ABHD12: variants seen among roughly 807,000 people sequenced by gnomAD.
The protein encoded by ABHD12 is lysophosphatidylserine lipase ABHD12.
In ABHD12, 43 loss-of-function variants were observed where a neutral mutation model predicts 58.3. That is an observed-to-expected ratio of 0.74 (90% CI 0.58 to 0.95). ABHD12 has a LOEUF of 0.95. ABHD12 is among the 40% of genes least tolerant of loss of function. The pLI is 0.00. For synonymous variants in ABHD12, 219 were observed against 211.2 expected (o/e 1.04, Z -0.32); for missense variants, 539 against 537.2 (o/e 1.00, Z -0.03).
chr20:25,376,194 A>G (rs1162209447), intron 1 of ABHD12, among the ~76,000 whole-genome samples: 1 of 152,170 alleles, frequency 6.6e-6, no homozygotes, highest in Admixed American at 6.5e-5. Context: ...AACCATCAAA[A>G]TTGTTGAGGA....
rs889137043 is a variant in ABHD12 at position 25,300,526 on chromosome 20, G to A, written c.*319C>T. The A allele has an allele frequency of 1.4e-5, 18 of 1,326,540 alleles. No homozygotes were observed. The African/African-American group carries it at 1.5e-4, about 11-fold the overall frequency. 82.2% of individuals were successfully genotyped at this position (1,326,540 alleles called of 1,614,324 possible). ...AGAGTCCCCTGCCCGGACTCCCCCT[G>A]TCCAGCTCAGTGCAGCATCAAGCAG... On this transcript the variant is annotated 3_prime_UTR_variant, in exon 13 of 13. Coordinates refer to ENST00000339157, the MANE Select transcript of ABHD12 (RefSeq NM_001042472.3).
chr20:25,343,398 A>T (rs1463680149), intron 1 of ABHD12, among the ~76,000 whole-genome samples: 1 of 152,230 alleles, frequency 6.6e-6, no homozygotes, highest in Non-Finnish European at 1.5e-5. Flanking sequence ...TACAAAAAAG[A>T]AGACTAAGCT....
At position 25,390,625 on chromosome 20, in the gene ABHD12, C is replaced by T; in HGVS notation, c.79G>A (p.Ala27Thr). 2 of 1,458,702 alleles carry T rather than the reference C, an allele frequency of 1.4e-6. No individual in the cohort carries two copies. The highest frequency in any genetic ancestry group is 2.5e-5 in the Admixed American group (1 of 40,618). 90.4% of individuals were successfully genotyped at this position (1,458,702 alleles called of 1,614,324 possible). Residue 27 changes from alanine (A) to threonine (T), a missense_variant, in exon 1 of 13, where the codon GCC becomes ACC. By Grantham distance (58) the Ala-to-Thr change is moderately conservative. Coordinates refer to ENST00000339157, the MANE Select transcript of ABHD12 (RefSeq NM_001042472.3). ...AAGSSSSGSA[A>T]AALDADCRLK... ...CGGCAGTCGGCGTCCAGCGCCGCGG[C>T]GGCCGAGCCGGAGGAGGACGAGCCC... is the stretch of plus-strand genomic sequence containing the variant.
chr20:25,314,401 G>C (rs572130522), intron 6 of ABHD12, among the ~76,000 whole-genome samples: 35 of 152,232 alleles, frequency 2.3e-4, no homozygotes, highest in African/African-American at 7.9e-4. Flanking sequence ...CTGCAGGTTG[G>C]GTGCAGTGAC....
rs139695339 is a variant in ABHD12, at chr20:25,369,708, G to A, written c.191+20805C>T. ...TCCACAGGTTTAAATAGCTACACAT[G>A]CATGCACAACACATTAAGTAAGCTA... On this transcript the variant is annotated intron_variant, in intron 1 of 12. Coordinates refer to ENST00000339157, the MANE Select transcript of ABHD12 (RefSeq NM_001042472.3). 1.5e-3 allele frequency among the ~76,000 whole-genome samples: 234 copies of A among 152,292 alleles called. 1 individual carries two copies. The highest frequency in any genetic ancestry group is 5.3e-3 in the African/African-American group (222 of 41,570).
At position 25,300,291 on chromosome 20, in the gene ABHD12, G is replaced by A; in HGVS notation, c.*554C>T. 9.7e-7 allele frequency: 1 copy of A among 1,025,804 alleles called. No homozygotes were observed. Among genetic ancestry groups the A allele is most frequent in the Admixed American group, 5.0e-5 (1 of 19,880 alleles). The allele number at this position is 1,025,804 out of a possible 1,614,324, so 63.5% of individuals were successfully genotyped here. A position where few individuals can be genotyped will look rare whatever the true frequency, so the allele number is the denominator to read the frequency against. On this transcript the variant is annotated 3_prime_UTR_variant, in exon 13 of 13. Transcript: ENST00000339157. ...GGTGTACAGGTAGGTGAAAGGGGAG[G>A]AAGTGCAGATCCCGGGCACTTCCAC...
chr20:25,386,024 C>A (rs907395913), intron 1 of ABHD12, among the ~76,000 whole-genome samples: 1 of 151,630 alleles, frequency 6.6e-6, no homozygotes, highest in Non-Finnish European at 1.5e-5. Context: ...TGGCGTGAAC[C>A]CGGGAGGCAA....
intron 11 of ABHD12, among the ~76,000 whole-genome samples, 177 bp from the exon 12 acceptor site, chr20:25,302,523 G>A (rs2088656893): frequency 6.6e-6 from 1 of 152,042 alleles, no homozygotes; most frequent in African/African-American, 2.4e-5. Context: ...GAGGAGCCAG[G>A]CCCCAGGCTT....
At chr20:25,347,582 T>C (rs2089536587) in intron 1 of ABHD12, among the ~76,000 whole-genome samples, 1 of 152,144 alleles carries the variant, frequency 6.6e-6, no homozygotes, top group Non-Finnish European at 1.5e-5. Flanking sequence ...CCCAGCACTT[T>C]GAGTGGCCAA....
chr20:25,376,714 A>G (rs1469348061), intron 1 of ABHD12, among the ~76,000 whole-genome samples: 2 of 152,222 alleles, frequency 1.3e-5, no homozygotes, highest in Non-Finnish European at 2.9e-5. Context: ...CAGAAGTCCC[A>G]CAAGGACTGG....
At chr20:25,357,593 G>C (rs2089685495) in intron 1 of ABHD12, among the ~76,000 whole-genome samples, 1 of 152,046 alleles carries the variant, frequency 6.6e-6, no homozygotes, top group South Asian at 2.1e-4. Flanking sequence ...ATATGTTCAA[G>C]GGAAAGTAAG....
chr20:25,366,979 C>A (rs1033157361), intron 1 of ABHD12, among the ~76,000 whole-genome samples: 5 of 151,972 alleles, frequency 3.3e-5, no homozygotes, highest in African/African-American at 1.2e-4. Flanking sequence ...TTTGAATATA[C>A]CCTTGGTACG....
At chr20:25,387,167 C>A (rs1325762649) in intron 1 of ABHD12, among the ~76,000 whole-genome samples, 1 of 152,108 alleles carries the variant, frequency 6.6e-6, no homozygotes, top group African/African-American at 2.4e-5. Context: ...ACTTAAATGG[C>A]AAAAACACTA....
intron 2 of ABHD12, 80 bp downstream of exon 2, chr20:25,339,147 A>T: frequency 1.3e-6 from 2 of 1,587,360 alleles, no homozygotes; most frequent in South Asian, 1.1e-5. Flanking sequence ...TAAAGTAAAA[A>T]GACTACCCCT....
intron 1 of ABHD12, among the ~76,000 whole-genome samples, chr20:25,346,137 A>T (rs1211887702): frequency 6.6e-6 from 1 of 152,198 alleles, no homozygotes; most frequent in Non-Finnish European, 1.5e-5. Context: ...GCTAAACAGA[A>T]ATCAGCAATC....
At chr20:25,339,015 A>G (rs1460648802) in intron 2 of ABHD12, 1 of 1,330,942 alleles carries the variant, frequency 7.5e-7, no homozygotes, top group Non-Finnish European at 9.7e-7. Flanking sequence ...CTTTTTGGGT[A>G]ATAAAAGCAT....
chr20:25,371,591 T>C (rs2089900629), intron 1 of ABHD12, among the ~76,000 whole-genome samples: 1 of 152,194 alleles, frequency 6.6e-6, no homozygotes, highest in African/African-American at 2.4e-5. Flanking sequence ...TGACCTAATA[T>C]TGCCGGGTTT....
intron 2 of ABHD12, among the ~76,000 whole-genome samples, chr20:25,333,709 CAT>C (rs2089315962): frequency 6.6e-6 from 1 of 151,850 alleles, no homozygotes. Flanking sequence ...ACAAAAACCA[CAT>C]GATTATCTCA....
intron 2 of ABHD12, among the ~76,000 whole-genome samples, chr20:25,338,317 A>G (rs2089406169): frequency 6.6e-6 from 1 of 152,144 alleles, no homozygotes; most frequent in Non-Finnish European, 1.5e-5. Context: ...CAGACTCACT[A>G]TGTGCAAACC....
Sources: allele counts gnomAD v4.1 joint callset (sites outside exome capture counted in the v4.1 genomes callset), GRCh38; gene constraint gnomAD v4.1.1; transcripts MANE v1.5; gene names NCBI Gene and HGNC (gene_info 2026-07-23, HGNC 2026-07-21).